The following TBL1X variants were observed in gnomAD, a reference collection of about 807,000 sequenced individuals.
The protein encoded by TBL1X is transducin beta like 1 X-linked, also known as F-box-like/WD repeat-containing protein TBL1X.
In TBL1X, 10 loss-of-function variants were observed where a neutral mutation model predicts 50.7. That is an observed-to-expected ratio of 0.20 (90% CI 0.12 to 0.33). TBL1X has a LOEUF of 0.33. Among genes scored for constraint, TBL1X ranks in the 10% least tolerant of loss-of-function variants. TBL1X has a pLI of 1.00. For synonymous variants in TBL1X, 190 were observed against 214.7 expected, an observed-to-expected ratio of 0.88 and a Z score of 1.01; for missense variants, 340 against 504.4, an observed-to-expected ratio of 0.67 and a Z score of 3.12.
At chrX:9,705,992 A>G (rs547989614) in intron 13 of TBL1X, among the ~76,000 whole-genome samples, 1 of 111,021 alleles carries the variant, frequency 9.0e-6, no homozygotes, top group South Asian at 3.8e-4. Flanking sequence ...GGCACCTCAC[A>G]TGGCCAGAGC....
At chrX:9,704,864 G>C in intron 12 of TBL1X, 129 bp from the exon 13 acceptor site, 1 of 1,044,882 alleles carries the variant, frequency 9.6e-7, no homozygotes, top group Non-Finnish European at 1.3e-6. Context: ...GGGTGACAGA[G>C]CAGGCCCTGT....
intron 2 of TBL1X, among the ~76,000 whole-genome samples, chrX:9,568,875 GTCTGTGCACCTTGCTGTGCATGTTGTCTA>G (rs1403554353): frequency 1.9e-5 from 2 of 106,210 alleles, no homozygotes; most frequent in Admixed American, 1.0e-4. Context: ...TGTTGTGTCC[GTCTGTGCACCTTGCTGTGCATGTTGTCTA>G]TCTGTGCACC....
intron 2 of TBL1X, among the ~76,000 whole-genome samples, chrX:9,514,144 G>T (rs1019831971): frequency 1.8e-5 from 2 of 111,455 alleles, no homozygotes; most frequent in Non-Finnish European, 3.8e-5. Flanking sequence ...GCATCCTACC[G>T]TGCACAGAGC....
chrX:9,593,413 AT>A (rs1475184677), intron 2 of TBL1X, among the ~76,000 whole-genome samples: 83 of 109,617 alleles, frequency 7.6e-4, no homozygotes, highest in African/African-American at 2.5e-3. Context: ...AAAAATAATA[AT>A]AATAATAATA....
intron 2 of TBL1X, among the ~76,000 whole-genome samples, chrX:9,635,010 C>A (rs912835259): frequency 1.8e-5 from 2 of 111,167 alleles, no homozygotes; most frequent in African/African-American, 6.6e-5. Flanking sequence ...AGCGTGGGGT[C>A]TTTCGAGGCT....
At chrX:9,655,578 G>A (rs544062938) in intron 5 of TBL1X, among the ~76,000 whole-genome samples, 2 of 111,851 alleles carry the variant, frequency 1.8e-5, no homozygotes, top group South Asian at 7.5e-4. Flanking sequence ...GGAGGAGGGG[G>A]CACACTTCAA....
rs1308560716 is a variant in TBL1X at position 9,718,187 on chromosome X, G to A, written c.*1941G>A. 2 of 110,784 alleles carry A rather than the reference G, an allele frequency of 1.8e-5. No individual in the cohort carries two copies. Among genetic ancestry groups the A allele is most frequent in the Non-Finnish European group, 3.8e-5 (2 of 52,976 alleles). The allele number at this position is 110,784 out of a possible 1,213,427, so 9.1% of individuals were successfully genotyped here. On this transcript the variant is annotated 3_prime_UTR_variant, in exon 18 of 18. Transcript: ENST00000645353. Reference sequence around the variant, plus strand: ...CTGGTGTGTGTTCCAGCAGTGAGACGGTGTTATTGTGAAGGTGGCATTCAT... The same window carrying A: ...CTGGTGTGTGTTCCAGCAGTGAGACAGTGTTATTGTGAAGGTGGCATTCAT...
At chrX:9,696,171 G>A (rs2083130329) in intron 11 of TBL1X, among the ~76,000 whole-genome samples, 1 of 112,787 alleles carries the variant, frequency 8.9e-6, no homozygotes, top group Non-Finnish European at 1.9e-5. Context: ...TGTAATATGT[G>A]AAATGGTATC....
At chrX:9,572,950 A>G (rs2082393301) in intron 2 of TBL1X, among the ~76,000 whole-genome samples, 2 of 112,554 alleles carry the variant, frequency 1.8e-5, no homozygotes, top group Admixed American at 9.4e-5. Flanking sequence ...CAAAATCTGT[A>G]TTACCTGTAG....
At chrX:9,684,016 A>C in intron 5 of TBL1X, 27 bp from the exon 6 acceptor site, 1 of 1,211,446 alleles carries the variant, frequency 8.3e-7, no homozygotes, top group Non-Finnish European at 1.1e-6. Context: ...GGTCTCACTC[A>C]ACCTCAGCTT....
chrX:9,673,412 A>G (rs1291786775), intron 5 of TBL1X, among the ~76,000 whole-genome samples: 2 of 111,246 alleles, frequency 1.8e-5, no homozygotes, highest in Admixed American at 9.6e-5. Context: ...ATATTGACAG[A>G]TGAAACTGTT....
At chrX:9,491,924 C>G (rs991295936) in intron 1 of TBL1X, among the ~76,000 whole-genome samples, 2 of 111,774 alleles carry the variant, frequency 1.8e-5, no homozygotes, top group Non-Finnish European at 3.8e-5. Context: ...CCATTCCCCA[C>G]CTCAATTGTA....
At chrX:9,598,083 A>G (rs1267776005) in intron 2 of TBL1X, among the ~76,000 whole-genome samples, 1 of 111,709 alleles carries the variant, frequency 9.0e-6, no homozygotes, top group Non-Finnish European at 1.9e-5. Flanking sequence ...CGTACAGGGA[A>G]AAGGCCATGT....
chrX:9,551,788 A>G (rs1301650786), intron 2 of TBL1X, among the ~76,000 whole-genome samples: 1 of 111,848 alleles, frequency 8.9e-6, no homozygotes, highest in Admixed American at 9.4e-5. Flanking sequence ...CACACCTCTC[A>G]TAAGCACACG....
At chrX:9,470,930 G>A (rs2081810875) in intron 1 of TBL1X, among the ~76,000 whole-genome samples, 1 of 112,161 alleles carries the variant, frequency 8.9e-6, no homozygotes, top group Non-Finnish European at 1.9e-5. Flanking sequence ...AACCATGCCC[G>A]ACCTCTGATG....
chrX:9,546,654 A>G (rs905786440), intron 2 of TBL1X, among the ~76,000 whole-genome samples: 1 of 111,635 alleles, frequency 9.0e-6, no homozygotes, highest in African/African-American at 3.3e-5. Flanking sequence ...AATATTTTCT[A>G]TTTAGCTGAA....
At chrX:9,629,895 G>A (rs1300620997) in intron 2 of TBL1X, among the ~76,000 whole-genome samples, 1 of 110,694 alleles carries the variant, frequency 9.0e-6, no homozygotes. Context: ...GAGCAGGACG[G>A]GGCTCAGTGG....
chrX:9,694,097 C>A (rs1362489913), intron 11 of TBL1X, among the ~76,000 whole-genome samples: 4 of 111,381 alleles, frequency 3.6e-5, no homozygotes, highest in African/African-American at 1.3e-4. Flanking sequence ...CTGTGCATTT[C>A]ACTTTCCTCA....
At chrX:9,636,529 A>G (rs967008165) in intron 2 of TBL1X, 3 of 110,219 alleles carry the variant, frequency 2.7e-5, no homozygotes, top group African/African-American at 1.0e-4. Flanking sequence ...AACAACAACC[A>G]TGTATGGTCC....
Sources: gnomAD v4.1 joint callset for allele counts (sites outside exome capture counted in the v4.1 genomes callset) on GRCh38, gnomAD v4.1.1 for gene constraint, MANE v1.5 for transcripts, NCBI Gene and HGNC (gene_info 2026-07-23, HGNC 2026-07-21) for gene names.